SMOC2: variants seen among roughly 807,000 people sequenced by gnomAD.
The protein encoded by SMOC2 is SPARC-related modular calcium-binding protein 2.
A neutral mutation model predicts 61.4 loss-of-function variants in SMOC2; 39 were observed. The observed-to-expected ratio is 0.64, with a 90% confidence interval of 0.49 to 0.83. The LOEUF is 0.83. Among genes scored for constraint, SMOC2 ranks in the 40% least tolerant of loss-of-function variants. The pLI is 0.00. For synonymous variants in SMOC2, 247 were observed against 239.9 expected (o/e 1.03, Z -0.27); for missense variants, 556 against 592.9 (o/e 0.94, Z 0.65).
intron 1 of SMOC2, among the ~76,000 whole-genome samples, chr6:168,503,771 A>G (rs1445541742): frequency 6.6e-6 from 1 of 152,138 alleles, no homozygotes; most frequent in African/African-American, 2.4e-5. Context: ...TGTGGTGGCC[A>G]GAGCCCAATG....
intron 7 of SMOC2, among the ~76,000 whole-genome samples, chr6:168,560,422 C>T (rs1432789577): frequency 6.6e-6 from 1 of 152,244 alleles, no homozygotes; most frequent in African/African-American, 2.4e-5. Context: ...AAACAGTCTT[C>T]AAGGTCATAT....
At chr6:168,519,990 G>A (rs188960809) in intron 2 of SMOC2, among the ~76,000 whole-genome samples, 7 of 151,450 alleles carry the variant, frequency 4.6e-5, no homozygotes, top group African/African-American at 1.2e-4. Context: ...GAATACTTAC[G>A]TAAAACGAAA....
At chr6:168,615,894 T>G (rs947538347) in intron 9 of SMOC2, among the ~76,000 whole-genome samples, 1 of 152,166 alleles carries the variant, frequency 6.6e-6, no homozygotes, top group African/African-American at 2.4e-5. Flanking sequence ...ATTCTAATTT[T>G]TTGAAGATTA....
At chr6:168,612,673 G>T (rs1403792235) in intron 9 of SMOC2, among the ~76,000 whole-genome samples, 4 of 152,222 alleles carry the variant, frequency 2.6e-5, no homozygotes, top group South Asian at 2.1e-4. Context: ...AGGGGAAAAA[G>T]CCAGAACAGT....
chr6:168,573,420 C>T (rs1170494630), intron 7 of SMOC2, among the ~76,000 whole-genome samples: 5 of 151,798 alleles, frequency 3.3e-5, no homozygotes, highest in Admixed American at 6.5e-5. Context: ...ATTTCCTGCC[C>T]GCATCTCCGG....
At chr6:168,653,834 G>T (rs112976069) in intron 11 of SMOC2, among the ~76,000 whole-genome samples, 1 of 133,210 alleles carries the variant, frequency 7.5e-6, no homozygotes, top group Non-Finnish European at 1.6e-5. Context: ...GCTCCAACCA[G>T]ATGTTAGGAA....
At chr6:168,640,367 G>A (rs1786864058) in intron 9 of SMOC2, among the ~76,000 whole-genome samples, 1 of 152,166 alleles carries the variant, frequency 6.6e-6, no homozygotes, top group South Asian at 2.1e-4. Flanking sequence ...GCATGGGGCA[G>A]GCTGCGGCGG....
At chr6:168,499,206 G>GGT (rs1476371246) in intron 1 of SMOC2, among the ~76,000 whole-genome samples, 3 of 152,342 alleles carry the variant, frequency 2.0e-5, no homozygotes, top group African/African-American at 7.2e-5. Context: ...AGTCTCTGGG[G>GGT]GTGGAGATGA....
intron 1 of SMOC2, among the ~76,000 whole-genome samples, chr6:168,465,516 A>G (rs1781808174): frequency 6.6e-6 from 1 of 151,914 alleles, no homozygotes; most frequent in Non-Finnish European, 1.5e-5. Flanking sequence ...GCTATGTGAG[A>G]CAGTAGGAAT....
At chr6:168,531,189 G>A (rs932562301) in intron 4 of SMOC2, among the ~76,000 whole-genome samples, 7 of 152,162 alleles carry the variant, frequency 4.6e-5, no homozygotes, top group Non-Finnish European at 8.8e-5. Flanking sequence ...ACGGTTGCTT[G>A]CATGCGGTGG....
At chr6:168,599,379 C>G (rs1384928642) in intron 8 of SMOC2, among the ~76,000 whole-genome samples, 1 of 139,270 alleles carries the variant, frequency 7.2e-6, no homozygotes, top group African/African-American at 2.7e-5. Flanking sequence ...ATACCACACA[C>G]ACCCACACTC....
chr6:168,543,199 A>G (rs937993731), intron 4 of SMOC2, among the ~76,000 whole-genome samples: 2 of 152,238 alleles, frequency 1.3e-5, no homozygotes, highest in Non-Finnish European at 2.9e-5. Flanking sequence ...ATTCTCCTCT[A>G]TAAATCAGAA....
In SMOC2 at chr6:168,453,240, G is replaced by A. The variant is rs1781504856; in HGVS notation, c.84+11786G>A. On this transcript the variant is annotated intron_variant, in intron 1 of 12. Transcript: ENST00000356284. This position sits in a 1 kb window ranked among gnomAD's most constrained non-coding sequence, Gnocchi z 4.4. ...GTGGGGGAGGAACTCGGGACCCAGG[G>A]CTGTGCCCCAAGAGGGTGTGGGGCA... Among the ~76,000 whole-genome samples the A allele has an allele frequency of 6.6e-6, 1 of 152,172 alleles. No homozygotes were observed. The highest frequency in any genetic ancestry group is 2.4e-5 in the African/African-American group (1 of 41,456).
At chr6:168,499,156 C>T (rs976672943) in intron 1 of SMOC2, among the ~76,000 whole-genome samples, 7 of 151,972 alleles carry the variant, frequency 4.6e-5, no homozygotes, top group Non-Finnish European at 1.0e-4. Context: ...AGCCTGTCTA[C>T]TACACATGGA....
intron 9 of SMOC2, among the ~76,000 whole-genome samples, chr6:168,622,688 T>C (rs57107235): frequency 0.29 from 43,425 of 151,982 alleles, 6,528 homozygotes; most frequent in African/African-American, 0.36. Context: ...CACTGCTATT[T>C]CCAAGCCCTT....
chr6:168,614,322 T>C (rs1785988260), intron 9 of SMOC2, among the ~76,000 whole-genome samples: 1 of 71,144 alleles, frequency 1.4e-5, no homozygotes, highest in Admixed American at 1.6e-4. Context: ...GCACAGGGCC[T>C]CTTCATACCT....
At chr6:168,565,670 A>G (rs917134914) in intron 7 of SMOC2, among the ~76,000 whole-genome samples, 1 of 152,184 alleles carries the variant, frequency 6.6e-6, no homozygotes, top group African/African-American at 2.4e-5. Flanking sequence ...TGCATTGAAA[A>G]CAAAGCGTAT....
chr6:168,491,747 GATTTT>G (rs1358670619), intron 1 of SMOC2, among the ~76,000 whole-genome samples: 2 of 151,864 alleles, frequency 1.3e-5, no homozygotes, highest in African/African-American at 4.8e-5. Flanking sequence ...ACTTAATTGT[GATTTT>G]ATTTTGTTAT....
At chr6:168,458,176 T>C (rs1781632309) in intron 1 of SMOC2, among the ~76,000 whole-genome samples, 1 of 152,200 alleles carries the variant, frequency 6.6e-6, no homozygotes, top group Admixed American at 6.5e-5. Context: ...CCTGGGGCCA[T>C]CAACGTACCG....
Sources: gnomAD v4.1 joint callset for allele counts (sites outside exome capture counted in the v4.1 genomes callset) on GRCh38, gnomAD v4.1.1 for gene constraint, Gnocchi (gnomAD v3.1) non-coding constraint, MANE v1.5 for transcripts, NCBI Gene and HGNC (gene_info 2026-07-23, HGNC 2026-07-21) for gene names.